HACD2: variants seen among roughly 807,000 people sequenced by gnomAD.
HACD2 encodes 3-hydroxyacyl-CoA dehydratase 2, also known as very-long-chain (3R)-3-hydroxyacyl-CoA dehydratase 2.
Under a neutral mutation model 31.0 loss-of-function variants are expected in HACD2, and 15 were observed. That is an observed-to-expected ratio of 0.48 (90% CI 0.32 to 0.75). HACD2 has a LOEUF of 0.75. Among genes scored for constraint, HACD2 ranks in the 30% least tolerant of loss-of-function variants. The probability of loss-of-function intolerance (pLI) is 0.03; values close to 1 mark genes in which losing one functional copy is unlikely to be tolerated. For synonymous variants in HACD2, 115 were observed against 122.2 expected (o/e 0.94, Z 0.39); for missense variants, 283 against 313.0 (o/e 0.90, Z 0.72).
At chr3:123,529,074 T>C (rs2056319862) in intron 3 of HACD2, among the ~76,000 whole-genome samples, 1 of 152,066 alleles carries the variant, frequency 6.6e-6, no homozygotes, top group Non-Finnish European at 1.5e-5. Flanking sequence ...GTCCTCAAGT[T>C]ATAACACTGG....
Position 123,492,277 on chromosome 3 carries a change from A to C in HACD2, c.*2611T>G, listed in dbSNP as rs140942785. 3 of 152,338 alleles carry C rather than the reference A, an allele frequency of 2.0e-5. No individual in the cohort carries two copies. The East Asian group carries it at 5.8e-4, about 29-fold the overall frequency. 9.4% of individuals were successfully genotyped at this position (152,338 alleles called of 1,614,324 possible). A position where few individuals can be genotyped will look rare whatever the true frequency, so the allele number is the denominator to read the frequency against. On this transcript the variant is annotated 3_prime_UTR_variant, in exon 7 of 7. Coordinates refer to ENST00000383657, the MANE Select transcript of HACD2 (RefSeq NM_198402.5). ...ACGGAGGGATCTGAAATACATAATC[A>C]AGTGGGTAGTTGGGAGGATGATGCC...
chr3:123,556,077 G>A (rs1040501238), intron 3 of HACD2, among the ~76,000 whole-genome samples: 8 of 152,140 alleles, frequency 5.3e-5, no homozygotes, highest in Non-Finnish European at 7.3e-5. Flanking sequence ...AGACTGAGGC[G>A]GGAGGATCAC....
intron 3 of HACD2, among the ~76,000 whole-genome samples, chr3:123,532,306 C>T (rs2056372180): frequency 6.6e-6 from 1 of 152,184 alleles, no homozygotes; most frequent in African/African-American, 2.4e-5. Flanking sequence ...CACTTAGTTT[C>T]TCTGTAGCAT....
At chr3:123,523,577 C>T (rs1221183570) in intron 4 of HACD2, among the ~76,000 whole-genome samples, 1 of 152,208 alleles carries the variant, frequency 6.6e-6, no homozygotes, top group Non-Finnish European at 1.5e-5. Flanking sequence ...CTCATCAACC[C>T]TTCACCTAAA....
intron 3 of HACD2, among the ~76,000 whole-genome samples, chr3:123,565,463 C>T (rs562401789): frequency 2.0e-5 from 3 of 152,256 alleles, no homozygotes; most frequent in Non-Finnish European, 4.4e-5. Context: ...TCACTTGCCC[C>T]TTCCACCATA....
intron 2 of HACD2, among the ~76,000 whole-genome samples, chr3:123,579,642 A>C (rs1370231261): frequency 6.6e-6 from 1 of 152,088 alleles, no homozygotes; most frequent in Non-Finnish European, 1.5e-5. Flanking sequence ...AAGAGATAGA[A>C]ACCCCTTTAA....
At chr3:123,529,443 G>A (rs1038453697) in intron 3 of HACD2, among the ~76,000 whole-genome samples, 55 of 151,868 alleles carry the variant, frequency 3.6e-4, no homozygotes, top group African/African-American at 1.3e-3. Context: ...AAAAATAAAT[G>A]GCCAGAAACA....
At chr3:123,581,118 C>T (rs1980390) in intron 2 of HACD2, among the ~76,000 whole-genome samples, 4,627 of 152,180 alleles carry the variant, frequency 0.03, 77 homozygotes, top group Middle Eastern at 0.085. Flanking sequence ...CCGTGCCCAG[C>T]GAGATAAATG....
At chr3:123,570,576 T>G (rs1383603058) in intron 2 of HACD2, among the ~76,000 whole-genome samples, 1 of 152,222 alleles carries the variant, frequency 6.6e-6, no homozygotes, top group Non-Finnish European at 1.5e-5. Context: ...CATTACTATT[T>G]CAAATCAGCT....
At chr3:123,530,096 C>T (rs988708202) in intron 3 of HACD2, among the ~76,000 whole-genome samples, 2 of 152,058 alleles carry the variant, frequency 1.3e-5, no homozygotes, top group African/African-American at 4.8e-5. Flanking sequence ...TGTTAAGTTT[C>T]ATTTTGCTGG....
intron 3 of HACD2, among the ~76,000 whole-genome samples, chr3:123,560,128 G>C (rs1311528516): frequency 6.6e-6 from 1 of 152,228 alleles, no homozygotes; most frequent in East Asian, 1.9e-4. Context: ...GAAGCTTTGT[G>C]TATCAGGAGC....
In HACD2 at chr3:123,556,938, C is replaced by T. The variant is rs78163447; in HGVS notation, c.292+10824G>A. On this transcript the variant is annotated intron_variant, in intron 3 of 6. Coordinates refer to ENST00000383657, the MANE Select transcript of HACD2 (RefSeq NM_198402.5). ...GAATGTCTGAAGTCCAACAAACTGGCAAACTGGACTTGACTAAAATTAAAA... is the reference window on the plus strand; with the variant it reads ...GAATGTCTGAAGTCCAACAAACTGGTAAACTGGACTTGACTAAAATTAAAA... Among the ~76,000 whole-genome samples, 1,131 of 152,360 alleles carry T rather than the reference C, an allele frequency of 7.4e-3. 3 individuals are homozygous for T. The highest frequency in any genetic ancestry group is 0.011 in the Non-Finnish European group (762 of 68,028).
At chr3:123,497,000 T>C (rs1044223155) in intron 6 of HACD2, among the ~76,000 whole-genome samples, 4 of 152,304 alleles carry the variant, frequency 2.6e-5, no homozygotes, top group Middle Eastern at 3.4e-3. Context: ...GCACTTTCAC[T>C]CCTTTACATC....
intron 4 of HACD2, among the ~76,000 whole-genome samples, chr3:123,513,600 G>A (rs952618198): frequency 1.3e-5 from 2 of 152,186 alleles, no homozygotes; most frequent in East Asian, 1.9e-4. Context: ...GCAAGGCTGA[G>A]GAGATCGTCC....
chr3:123,496,451 C>G (rs566841273), intron 6 of HACD2, among the ~76,000 whole-genome samples: 1 of 152,176 alleles, frequency 6.6e-6, no homozygotes, highest in East Asian at 1.9e-4. Flanking sequence ...ATGATCCTCC[C>G]AAAGTACGCC....
chr3:123,556,159 G>A (rs113115386), intron 3 of HACD2, among the ~76,000 whole-genome samples: 5 of 152,028 alleles, frequency 3.3e-5, no homozygotes, highest in African/African-American at 7.2e-5. Context: ...AATTGAGGCC[G>A]GGTGAAGTGG....
chr3:123,516,233 A>AT (rs138783399), intron 4 of HACD2, among the ~76,000 whole-genome samples: 3,703 of 125,758 alleles, frequency 0.029, 182 homozygotes, highest in African/African-American at 0.099. Flanking sequence ...TGTGCAACAT[A>AT]TTTTTTTTTT....
chr3:123,569,460 C>T (rs2056829413), intron 2 of HACD2, among the ~76,000 whole-genome samples: 1 of 152,196 alleles, frequency 6.6e-6, no homozygotes, highest in Non-Finnish European at 1.5e-5. Context: ...TCCTTGGACT[C>T]AAGCGATCCT....
intron 4 of HACD2, among the ~76,000 whole-genome samples, chr3:123,510,205 A>G (rs993920072): frequency 6.6e-6 from 1 of 152,184 alleles, no homozygotes; most frequent in African/African-American, 2.4e-5. Flanking sequence ...ATCTCTAAGA[A>G]TTTGTTAATT....
Sources: gnomAD v4.1 joint callset for allele counts (sites outside exome capture counted in the v4.1 genomes callset) on GRCh38, gnomAD v4.1.1 for gene constraint, MANE v1.5 for transcripts, NCBI Gene and HGNC (gene_info 2026-07-23, HGNC 2026-07-21) for gene names.